Variants in FMNL2 observed in about 807,000 individuals in gnomAD.
The protein encoded by FMNL2 is formin like 2.
In FMNL2, 51 loss-of-function variants were observed where a neutral mutation model predicts 130.2. That is an observed-to-expected ratio of 0.39 (90% CI 0.31 to 0.49). The LOEUF (loss-of-function observed/expected upper bound fraction) is 0.49. FMNL2 is among the 20% of genes least tolerant of loss of function. The pLI, the probability that FMNL2 is intolerant of heterozygous loss-of-function variation, is 0.85. For synonymous variants in FMNL2, 465 were observed against 467.1 expected (o/e 1.00, Z 0.06); for missense variants, 977 against 1,316.2 (o/e 0.74, Z 3.99).
At chr2:152,613,505 C>T (rs886743885) in intron 11 of FMNL2, among the ~76,000 whole-genome samples, 3 of 152,194 alleles carry the variant, frequency 2.0e-5, no homozygotes, top group Non-Finnish European at 4.4e-5. Context: ...GAAAACAGAA[C>T]ACTCTCTCTT....
intron 1 of FMNL2, among the ~76,000 whole-genome samples, chr2:152,517,923 AAG>A (rs1692865730): frequency 1.3e-5 from 2 of 152,214 alleles, no homozygotes; most frequent in African/African-American, 2.4e-5. Flanking sequence ...AGATGTCACT[AAG>A]AGTGGGTGAG....
At chr2:152,571,826 A>T (rs908799324) in intron 6 of FMNL2, among the ~76,000 whole-genome samples, 2 of 152,170 alleles carry the variant, frequency 1.3e-5, no homozygotes, top group African/African-American at 4.8e-5. Flanking sequence ...ATGTATATAC[A>T]TTATTTTATA....
chr2:152,530,003 ATG>A (rs987525330), intron 2 of FMNL2, among the ~76,000 whole-genome samples: 4 of 152,180 alleles, frequency 2.6e-5, no homozygotes, highest in African/African-American at 9.7e-5. Flanking sequence ...TTTTGCCAAA[ATG>A]TATATCACAG....
In FMNL2 at chr2:152,389,788, C is replaced by T. The variant is rs570283566; in HGVS notation, c.117+54068C>T. 4.5e-5 allele frequency: 67 copies of T among 1,479,450 alleles called. No homozygotes were observed. The East Asian group carries it at 5.2e-4, about 12-fold the overall frequency. The allele number at this position is 1,479,450 out of a possible 1,614,324, so 91.6% of individuals were successfully genotyped here. A position where few individuals can be genotyped will look rare whatever the true frequency, so the allele number is the denominator to read the frequency against. On this transcript the variant is annotated intron_variant, in intron 1 of 25. Coordinates refer to ENST00000288670, the MANE Select transcript of FMNL2 (RefSeq NM_052905.4). Reference sequence around the variant, plus strand: ...GAACACTTTCTTCAGCTTCCTTCGACGCAAAACAGACTTTTTCACTGCAGG... The same window carrying T: ...GAACACTTTCTTCAGCTTCCTTCGATGCAAAACAGACTTTTTCACTGCAGG...
Position 152,647,831 on chromosome 2 carries a change from G to A in FMNL2, c.3205G>A (p.Val1069Met), listed in dbSNP as rs1469953898. The change falls in exon 26 of 26, where the codon GTG becomes ATG. Residue 1069 changes from valine to methionine, a missense_variant. Val to Met is a conservative substitution (Grantham distance 21). Around this residue, in one of 4 missense-constraint regions of FMNL2, gnomAD observed 168 missense variants for 168.8 expected, o/e 1.00. Coordinates refer to ENST00000288670, the MANE Select transcript of FMNL2 (RefSeq NM_052905.4). Reference sequence around the variant, plus strand: ...CCAACCATACAGACGAGCCGATGCGGTGAGGAGAAGCGTCAGGCGGCGCTT... The same window carrying A: ...CCAACCATACAGACGAGCCGATGCGATGAGGAGAAGCGTCAGGCGGCGCTT... ...RNQPYRRADA[V>M]RRSVRRRFDD... is the part of the protein sequence containing the mutation. 1.9e-6 allele frequency: 3 copies of A among 1,613,834 alleles called. No individual in the cohort carries two copies. In the African/African-American group the frequency reaches 4.0e-5, roughly 22 times the overall value.
chr2:152,466,782 G>T (rs1012291607), intron 1 of FMNL2, among the ~76,000 whole-genome samples: 6 of 152,106 alleles, frequency 3.9e-5, no homozygotes, highest in Non-Finnish European at 1.5e-5. Context: ...CAAGTGAGTT[G>T]TCTTCCTCTC....
intron 1 of FMNL2, among the ~76,000 whole-genome samples, chr2:152,462,808 G>A (rs987546919): frequency 6.6e-6 from 1 of 152,088 alleles, no homozygotes; most frequent in Non-Finnish European, 1.5e-5. Context: ...TCTTAAACCT[G>A]GATCTCATGT....
At chr2:152,473,431 G>C (rs1012065725) in intron 1 of FMNL2, among the ~76,000 whole-genome samples, 1 of 152,134 alleles carries the variant, frequency 6.6e-6, no homozygotes, top group African/African-American at 2.4e-5. Flanking sequence ...AAAGAGGTTG[G>C]AGTAGATTTT....
intron 2 of FMNL2, among the ~76,000 whole-genome samples, chr2:152,540,262 C>G (rs902723071): frequency 6.6e-6 from 1 of 152,020 alleles, no homozygotes; most frequent in Non-Finnish European, 1.5e-5. Context: ...TTTTAGCCCT[C>G]AGCTGGACTA....
intron 7 of FMNL2, 48 bp downstream of exon 7, chr2:152,575,292 A>G (rs1293939012): frequency 1.6e-5 from 21 of 1,285,646 alleles, no homozygotes; most frequent in Non-Finnish European, 2.3e-5. Flanking sequence ...AATTAATCAG[A>G]CTCAGAAATG....
At chr2:152,545,533 C>T (rs1694576409) in intron 3 of FMNL2, among the ~76,000 whole-genome samples, 1 of 152,128 alleles carries the variant, frequency 6.6e-6, no homozygotes. Context: ...ACAGAACTCT[C>T]CAAACCAGCC....
chr2:152,591,722 C>T (rs954461412), intron 9 of FMNL2, among the ~76,000 whole-genome samples: 1 of 152,162 alleles, frequency 6.6e-6, no homozygotes, highest in African/African-American at 2.4e-5. Flanking sequence ...CAGAGGATTG[C>T]TTGGGTCTAG....
intron 1 of FMNL2, among the ~76,000 whole-genome samples, chr2:152,403,201 C>G (rs1410058195): frequency 6.8e-6 from 1 of 147,812 alleles, no homozygotes; most frequent in Non-Finnish European, 1.5e-5. Context: ...TAGCGTTTGC[C>G]AAGTTTCTGT....
chr2:152,510,142 GATA>G (rs1292113174), intron 1 of FMNL2, among the ~76,000 whole-genome samples: 1 of 152,180 alleles, frequency 6.6e-6, no homozygotes, highest in Admixed American at 6.5e-5. Flanking sequence ...CGTACAAATA[GATA>G]ATGACTAAAT....
intron 2 of FMNL2, among the ~76,000 whole-genome samples, chr2:152,537,107 C>T (rs2577183): frequency 0.035 from 5,260 of 152,226 alleles, 292 homozygotes; most frequent in African/African-American, 0.12. Flanking sequence ...AGAAACAGTT[C>T]AGCTTGTTAG....
chr2:152,559,828 CTCTT>C (rs1450213415), intron 5 of FMNL2, among the ~76,000 whole-genome samples: 2 of 152,166 alleles, frequency 1.3e-5, no homozygotes, highest in African/African-American at 4.8e-5. Flanking sequence ...CCCATTCTAA[CTCTT>C]TTATGTTCAG....
intron 9 of FMNL2, among the ~76,000 whole-genome samples, chr2:152,583,443 C>G (rs1450461579): frequency 6.6e-6 from 1 of 152,162 alleles, no homozygotes; most frequent in Non-Finnish European, 1.5e-5. Context: ...AGTACACACT[C>G]AAGAAAGGGG....
chr2:152,335,762 C>G lies in FMNL2; in HGVS notation c.117+42C>G, dbSNP rs764403576. On this transcript the variant is annotated intron_variant, in intron 1 of 25. Transcript: ENST00000288670. The stretch of plus-strand genomic sequence containing the variant: ...GGTCGGGCGCGGGGACCCGGGGCCC[C>G]GGGCCGGGCGGCGCAGCTGACCCCC... The G allele has an allele frequency of 7.8e-6, 11 of 1,414,116 alleles. No individual in the cohort carries two copies. In the South Asian group the frequency reaches 8.3e-5, roughly 11 times the overall value. 87.6% of individuals were successfully genotyped at this position (1,414,116 alleles called of 1,614,324 possible).
intron 1 of FMNL2, among the ~76,000 whole-genome samples, chr2:152,403,887 G>A (rs779173939): frequency 1.3e-5 from 2 of 152,172 alleles, no homozygotes; most frequent in Admixed American, 6.5e-5. Context: ...GGCCAACATG[G>A]TGAAACCCCC....
Sources: allele counts gnomAD v4.1 joint callset (sites outside exome capture counted in the v4.1 genomes callset), GRCh38; gene constraint gnomAD v4.1.1; regional missense constraint gnomAD v4.1.1; transcripts MANE v1.5; gene names NCBI Gene and HGNC (gene_info 2026-07-23, HGNC 2026-07-21).